The following NCOR2 variants were observed in gnomAD, a reference collection of about 807,000 sequenced individuals.
The protein encoded by NCOR2 is nuclear receptor corepressor 2, also known as CTG repeat protein 26.
In NCOR2, 81 loss-of-function variants were observed where a neutral mutation model predicts 262.9. The observed-to-expected ratio is 0.31, with a 90% confidence interval of 0.26 to 0.37. The LOEUF is 0.37. Ranked by LOEUF, NCOR2 falls within the 10% of genes least tolerant of loss-of-function variation. NCOR2 has a pLI of 1.00. For missense variants in NCOR2, 3,385 were observed against 3,621.4 expected (o/e 0.93, Z 1.68); for synonymous variants, 1,659 against 1,559.3 (o/e 1.06, Z -1.51).
In NCOR2 at chr12:124,495,024, T is replaced by C. The variant is rs1013406289; in HGVS notation, c.105+123A>G. ...GGGGTCTCTGTGGCGGCCTCCCCTCTGCCCTGGGAGGCTCAGAGCCACATG... is the reference window on the plus strand; with the variant it reads ...GGGGTCTCTGTGGCGGCCTCCCCTCCGCCCTGGGAGGCTCAGAGCCACATG... On this transcript the variant is annotated intron_variant, in intron 1 of 46. Coordinates refer to ENST00000405201, the Ensembl canonical transcript of NCOR2. The surrounding 1 kb of genome is among the most constrained non-coding windows in gnomAD (Gnocchi z 4.4). The C allele has an allele frequency of 8.7e-5, 109 of 1,246,102 alleles. No individual in the cohort carries two copies. Among genetic ancestry groups the C allele is most frequent in the Non-Finnish European group, 1.1e-4 (98 of 911,292 alleles). 77.2% of individuals were successfully genotyped at this position (1,246,102 alleles called of 1,614,324 possible).
intron 41 of NCOR2, among the ~76,000 whole-genome samples, chr12:124,334,186 T>C (rs2035663052): frequency 6.6e-6 from 1 of 152,198 alleles, no homozygotes; most frequent in Non-Finnish European, 1.5e-5. Flanking sequence ...GGGCTGTGTG[T>C]AAAGGGTACA....
Position 124,554,193 on chromosome 12 carries a change from G to A in NCOR2, c.-165+13115C>T, listed in dbSNP as rs1029364719. ...CTTCCTTGCTTCAAAGCCCTTTTGC[G>A]TCTCTTTCCTGCCAGAGGTGCCGCG... On this transcript the variant is annotated intron_variant, in intron 1 of 32. Transcript: ENST00000458234. Among the ~76,000 whole-genome samples the A allele has an allele frequency of 7.9e-5, 12 of 152,352 alleles. No homozygotes were observed. The South Asian group carries it at 1.0e-3, about 13-fold the overall frequency.
intron 1 of NCOR2, among the ~76,000 whole-genome samples, chr12:124,516,768 G>A (rs1031303299): frequency 2.0e-5 from 3 of 151,606 alleles, no homozygotes; most frequent in African/African-American, 4.9e-5. Context: ...AAATACCATC[G>A]CCCTGAGATG....
At chr12:124,423,178 G>A (rs927547857) in intron 11 of NCOR2, among the ~76,000 whole-genome samples, 13 of 152,350 alleles carry the variant, frequency 8.5e-5, no homozygotes, top group African/African-American at 2.9e-4. Flanking sequence ...GGAAACCACT[G>A]GGCCCAGGCT....
intron 13 of NCOR2, among the ~76,000 whole-genome samples, chr12:124,406,613 C>T (rs1208658922): frequency 1.3e-5 from 2 of 152,216 alleles, no homozygotes; most frequent in Non-Finnish European, 2.9e-5. Flanking sequence ...TGGAGGGCTA[C>T]CTCTGCCTTT....
Position 124,429,712 on chromosome 12 carries a change from GA to G in NCOR2, c.1056-7del. On this transcript the variant is annotated splice_region_variant and splice_polypyrimidine_tract_variant and intron_variant, in intron 9 of 46. Transcript: ENST00000405201. The stretch of plus-strand genomic sequence containing the variant: ...TGCCCCGCTGGCCCACCCTGCTGGG[GA>G]CCAAGGGGACACACTCAGGACCGGT... 12 of 1,594,644 alleles carry G rather than the reference GA, an allele frequency of 7.5e-6. No individual in the cohort carries two copies. Among genetic ancestry groups the G allele is most frequent in the Non-Finnish European group, 1.0e-5 (12 of 1,170,510 alleles).
chr12:124,550,074 C>G (rs1034346436), intron 1 of NCOR2, among the ~76,000 whole-genome samples: 1 of 152,152 alleles, frequency 6.6e-6, no homozygotes, highest in Non-Finnish European at 1.5e-5. Context: ...GCATTTCTGG[C>G]GGCAGCAAAG....
In NCOR2 at chr12:124,325,332, C is replaced by G. The variant is rs985671044; in HGVS notation, c.*70G>C. 26 of 1,116,272 alleles carry G rather than the reference C, an allele frequency of 2.3e-5. No individual in the cohort carries two copies. The African/African-American group carries it at 4.1e-4, about 18-fold the overall frequency. 69.1% of individuals were successfully genotyped at this position (1,116,272 alleles called of 1,614,324 possible). ...TTGGTTGGGGGAGTCGGCAGCCGCC[C>G]TGCTCCTGCAGGGCCGTTCCTGTGG... On this transcript the variant is annotated 3_prime_UTR_variant, in exon 47 of 47. Coordinates refer to ENST00000405201, the Ensembl canonical transcript of NCOR2.
At position 124,547,810 on chromosome 12, in the gene NCOR2, A is replaced by G. The variant is rs529970633; in HGVS notation, c.-164-12199T>C. ...TTCTTTCACTCAGCATCATGGTTTCAAGGTTCACCCGCAGTGTAGCATGCA... is the reference window on the plus strand; with the variant it reads ...TTCTTTCACTCAGCATCATGGTTTCGAGGTTCACCCGCAGTGTAGCATGCA... On this transcript the variant is annotated intron_variant, in intron 1 of 32. Transcript: ENST00000458234. 3.9e-5 allele frequency among the ~76,000 whole-genome samples: 6 copies of G among 152,286 alleles called. No individual in the cohort carries two copies. In the East Asian group the frequency reaches 1.2e-3, roughly 29 times the overall value.
At chr12:124,343,648 A>G (rs557616831) in intron 32 of NCOR2, among the ~76,000 whole-genome samples, 2 of 151,112 alleles carry the variant, frequency 1.3e-5, no homozygotes, top group African/African-American at 4.9e-5. Flanking sequence ...TTTTTGAGAT[A>G]AGAGTTTCAC....
At chr12:124,429,497 T>G in intron 10 of NCOR2, 116 bp downstream of exon 12, 1 of 1,118,930 alleles carries the variant, frequency 8.9e-7, no homozygotes, top group Non-Finnish European at 1.3e-6. Context: ...CGCGCTTCGG[T>G]GGCAAAGCCC....
At position 124,432,954 on chromosome 12, in the gene NCOR2, G is replaced by A. The variant is rs555539537; in HGVS notation, c.883-2167C>T. 2.6e-5 allele frequency among the ~76,000 whole-genome samples: 4 copies of A among 152,298 alleles called. No individual in the cohort carries two copies. Among genetic ancestry groups the A allele is most frequent in the Admixed American group, 1.3e-4 (2 of 15,302 alleles). ...CTCTAACAGCTGGGGGTGGACAGAC[G>A]GTGTGATCTGGGAGCCTCCACAAAC... On this transcript the variant is annotated intron_variant, in intron 8 of 46. Coordinates refer to ENST00000405201, the Ensembl canonical transcript of NCOR2. The surrounding 1 kb of genome is among the most constrained non-coding windows in gnomAD (Gnocchi z 5.1).
exon 29 of NCOR2, chr12:124,348,255 G>A: frequency 6.2e-7 from 1 of 1,612,682 alleles, no homozygotes; most frequent in South Asian, 1.1e-5. Flanking sequence ...GCCGTCTCAT[G>A]GGGGGGTCCT....
rs1566032676 is a variant in NCOR2 at position 124,532,942 on chromosome 12, TCC to T, written c.-118+2621_-118+2622del. On this transcript the variant is annotated intron_variant, in intron 1 of 46. Coordinates refer to the NCOR2 transcript ENST00000404621. The stretch of plus-strand genomic sequence containing the variant: ...TCCCACTCCTCCTTCCCCTCCTCCC[TCC>T]AAATCCCACTCCTCTTCCCCCCTCC... Among the ~76,000 whole-genome samples, 25 of 15,446 alleles carry T rather than the reference TCC, an allele frequency of 1.6e-3. 2 individuals carry two copies. Among genetic ancestry groups the T allele is most frequent in the African/African-American group, 5.3e-3 (16 of 3,020 alleles). The allele number at this position is 15,446 out of a possible 152,430, so 10.1% of individuals were successfully genotyped here. A position where few individuals can be genotyped will look rare whatever the true frequency, so the allele number is the denominator to read the frequency against.
chr12:124,373,054 C>A (rs2039627994), intron 19 of NCOR2, among the ~76,000 whole-genome samples: 2 of 152,268 alleles, frequency 1.3e-5, no homozygotes, highest in Admixed American at 6.5e-5. Flanking sequence ...GTTTTCCCAT[C>A]TGCAGAACGG....
chr12:124,471,066 C>A (rs2046806234), intron 4 of NCOR2, among the ~76,000 whole-genome samples: 1 of 152,212 alleles, frequency 6.6e-6, no homozygotes, highest in Non-Finnish European at 1.5e-5. Flanking sequence ...CAACATGAGA[C>A]CTACCCACTG....
At chr12:124,473,329 C>A (rs1422682318) in intron 3 of NCOR2, among the ~76,000 whole-genome samples, 198 bp from the exon 6 acceptor site, 1 of 152,212 alleles carries the variant, frequency 6.6e-6, no homozygotes, top group Non-Finnish European at 1.5e-5. Context: ...CACCCTTAAT[C>A]TGTGTAGGCA....
At chr12:124,340,879 T>G in intron 34 of NCOR2, 128 bp from the exon 37 acceptor site, 1 of 915,228 alleles carries the variant, frequency 1.1e-6, no homozygotes, top group Non-Finnish European at 1.4e-6. Flanking sequence ...TGGCAGGCAC[T>G]CCCTCCTCGG....
At chr12:124,550,821 C>T (rs1040880490) in intron 1 of NCOR2, among the ~76,000 whole-genome samples, 3 of 152,228 alleles carry the variant, frequency 2.0e-5, no homozygotes, top group African/African-American at 4.8e-5. Flanking sequence ...CCCCTGGCAT[C>T]ACCAGGAGAA....
Sources: allele counts gnomAD v4.1 joint callset (sites outside exome capture counted in the v4.1 genomes callset), GRCh38; gene constraint gnomAD v4.1.1; non-coding constraint Gnocchi (gnomAD v3.1); transcripts MANE v1.5; gene names NCBI Gene and HGNC (gene_info 2026-07-23, HGNC 2026-07-21).